TSHZ2: variants seen among roughly 807,000 people sequenced by gnomAD.
The protein encoded by TSHZ2 is teashirt homolog 2.
In TSHZ2, 21 loss-of-function variants were observed where a neutral mutation model predicts 74.4. That is an observed-to-expected ratio of 0.28 (90% CI 0.20 to 0.41). TSHZ2 has a LOEUF of 0.41. TSHZ2 is among the 10% of genes least tolerant of loss of function. The probability of loss-of-function intolerance (pLI) is 1.00; values close to 1 mark genes in which losing one functional copy is unlikely to be tolerated. For synonymous variants in TSHZ2, 540 were observed against 515.3 expected (o/e 1.05, Z -0.65); for missense variants, 1,244 against 1,293.5 (o/e 0.96, Z 0.59).
rs1450335920 is a variant in TSHZ2, at chr20:53,494,924, G to C, written c.*7789G>C. 6.6e-6 allele frequency: 1 copy of C among 151,836 alleles called. No homozygotes were observed. Among genetic ancestry groups the C allele is most frequent in the Non-Finnish European group, 1.5e-5 (1 of 68,000 alleles). 9.4% of individuals were successfully genotyped at this position (151,836 alleles called of 1,614,324 possible). On this transcript the variant is annotated 3_prime_UTR_variant, in exon 3 of 3. Transcript: ENST00000371497. Reference sequence around the variant, plus strand: ...TGAAACCGTATCGTAATTTGCATCAGGAAACCCAACTGCTGACATTGAGGA... The same window carrying C: ...TGAAACCGTATCGTAATTTGCATCACGAAACCCAACTGCTGACATTGAGGA...
At chr20:53,478,112 C>T (rs1486379882) in intron 2 of TSHZ2, among the ~76,000 whole-genome samples, 1 of 146,124 alleles carries the variant, frequency 6.8e-6, no homozygotes, top group Non-Finnish European at 1.5e-5. Flanking sequence ...GGCGATTCCT[C>T]AGGGATCTAG....
At chr20:53,406,105 C>G (rs1307177254) in intron 2 of TSHZ2, among the ~76,000 whole-genome samples, 1 of 152,020 alleles carries the variant, frequency 6.6e-6, no homozygotes, top group Admixed American at 6.6e-5. Context: ...AACTTTTGAG[C>G]TGAGACCTAA....
intron 1 of TSHZ2, among the ~76,000 whole-genome samples, chr20:53,220,877 A>G (rs1055540484): frequency 6.6e-6 from 1 of 152,264 alleles, no homozygotes; most frequent in African/African-American, 2.4e-5. Context: ...CTGCATCTCA[A>G]GGTGACAGCA....
chr20:53,435,170 A>T (rs935006589), intron 2 of TSHZ2, among the ~76,000 whole-genome samples: 2 of 152,212 alleles, frequency 1.3e-5, no homozygotes, highest in Non-Finnish European at 2.9e-5. Context: ...TAGATAAGGA[A>T]CAATTTTATT....
chr20:53,015,396 T>C (rs2123014228), intron 1 of TSHZ2, among the ~76,000 whole-genome samples: 1 of 152,258 alleles, frequency 6.6e-6, no homozygotes, highest in Non-Finnish European at 1.5e-5. Flanking sequence ...GTCACTGGCT[T>C]CCAGTGTGTA....
chr20:53,281,322 A>G (rs1439943170), intron 2 of TSHZ2, among the ~76,000 whole-genome samples: 3 of 152,346 alleles, frequency 2.0e-5, no homozygotes, highest in East Asian at 3.9e-4. Flanking sequence ...GGAACAGCAC[A>G]TGCAAAGTTC....
At chr20:53,469,670 A>G (rs140052323) in intron 2 of TSHZ2, among the ~76,000 whole-genome samples, 5 of 52,046 alleles carry the variant, frequency 9.6e-5, no homozygotes, top group African/African-American at 2.9e-4. Context: ...GGAAGGAAGG[A>G]AGGAAGGAAG....
At chr20:53,020,422 G>A (rs960477334) in intron 1 of TSHZ2, among the ~76,000 whole-genome samples, 3 of 152,162 alleles carry the variant, frequency 2.0e-5, no homozygotes, top group African/African-American at 7.2e-5. Flanking sequence ...CAGCCATGTA[G>A]AGCCTAACAG....
intron 1 of TSHZ2, among the ~76,000 whole-genome samples, chr20:53,198,501 A>G (rs1043046179): frequency 6.6e-6 from 1 of 152,244 alleles, no homozygotes; most frequent in Non-Finnish European, 1.5e-5. Context: ...CACATAGCTG[A>G]TAAGTAAAGG....
At chr20:53,411,551 G>A (rs1357075886) in intron 2 of TSHZ2, among the ~76,000 whole-genome samples, 1 of 152,192 alleles carries the variant, frequency 6.6e-6, no homozygotes, top group Non-Finnish European at 1.5e-5. Flanking sequence ...ACCTAAGGCT[G>A]AGGATGATGG....
intron 2 of TSHZ2, among the ~76,000 whole-genome samples, chr20:53,418,737 G>C (rs143150040): frequency 3.9e-5 from 6 of 152,190 alleles, no homozygotes; most frequent in Non-Finnish European, 7.4e-5. Flanking sequence ...AATGAGAAGA[G>C]TCCATGCCAA....
intron 2 of TSHZ2, among the ~76,000 whole-genome samples, chr20:53,261,300 C>T (rs1249570685): frequency 6.6e-6 from 1 of 152,196 alleles, no homozygotes; most frequent in Non-Finnish European, 1.5e-5. Context: ...CAGGACTGAC[C>T]CGCAGGGTGA....
intron 2 of TSHZ2, among the ~76,000 whole-genome samples, chr20:53,479,487 C>T (rs1413011402): frequency 6.6e-6 from 1 of 152,084 alleles, no homozygotes; most frequent in African/African-American, 2.4e-5. Context: ...GAATGGGGGT[C>T]TTGAGGATCA....
chr20:53,418,105 C>G (rs1029390430), intron 2 of TSHZ2, among the ~76,000 whole-genome samples: 3 of 152,154 alleles, frequency 2.0e-5, no homozygotes, highest in African/African-American at 7.2e-5. Context: ...AAGGAAAGGT[C>G]TTGCTATGGA....
At chr20:53,446,472 G>A (rs550469699) in intron 2 of TSHZ2, among the ~76,000 whole-genome samples, 30 of 150,934 alleles carry the variant, frequency 2.0e-4, no homozygotes, top group African/African-American at 6.3e-4. Context: ...CCAGCTACTC[G>A]GGAGGCTGAG....
intron 1 of TSHZ2, among the ~76,000 whole-genome samples, chr20:53,006,367 T>C (rs2122981333): frequency 6.6e-6 from 1 of 152,370 alleles, no homozygotes; most frequent in East Asian, 1.9e-4. Context: ...TTTTTATAGC[T>C]ATTCTGGAAG....
chr20:53,242,707 T>C (rs1345613544), intron 1 of TSHZ2, among the ~76,000 whole-genome samples: 1 of 152,220 alleles, frequency 6.6e-6, no homozygotes, highest in Non-Finnish European at 1.5e-5. Flanking sequence ...ACCTTGTTGT[T>C]GTTCTCTATG....
In TSHZ2 at chr20:53,327,026, C is replaced by T. The variant is rs767652469; in HGVS notation, c.*8+70455C>T. 3.3e-5 allele frequency among the ~76,000 whole-genome samples: 5 copies of T among 152,272 alleles called. No individual in the cohort carries two copies. In the South Asian group the frequency reaches 8.3e-4, roughly 25 times the overall value. On this transcript the variant is annotated intron_variant, in intron 2 of 2. Transcript: ENST00000371497. ...TTGAAATTGAGAAGGTTGTGGAAACCGTACATGCAGCACTGTGCATGCAGC... is the reference window on the plus strand; with the variant it reads ...TTGAAATTGAGAAGGTTGTGGAAACTGTACATGCAGCACTGTGCATGCAGC...
At chr20:52,999,948 C>T (rs147832704) in intron 1 of TSHZ2, among the ~76,000 whole-genome samples, 25 of 152,264 alleles carry the variant, frequency 1.6e-4, no homozygotes, top group Admixed American at 6.5e-4. Context: ...AAGATGGTGA[C>T]GATGATGATG....
Sources: gnomAD v4.1 joint callset for allele counts (sites outside exome capture counted in the v4.1 genomes callset) on GRCh38, gnomAD v4.1.1 for gene constraint, MANE v1.5 for transcripts, NCBI Gene and HGNC (gene_info 2026-07-23, HGNC 2026-07-21) for gene names.